Variants in ARMC2 observed in about 807,000 individuals in gnomAD.
ARMC2 encodes the protein armadillo repeat containing 2, also known as armadillo repeat-containing protein 2.
A neutral mutation model predicts 90.3 loss-of-function variants in ARMC2; 67 were observed. The ratio of observed to expected loss-of-function variants is 0.74; its 90% confidence interval spans 0.61 to 0.91. The LOEUF is 0.91. Ranked by LOEUF, ARMC2 falls within the 40% of genes least tolerant of loss-of-function variation. ARMC2 has a pLI of 0.00. For synonymous variants in ARMC2, 393 were observed against 393.0 expected (o/e 1.00, Z 0.00); for missense variants, 920 against 1,030.9 (o/e 0.89, Z 1.47).
At chr6:108,927,149 C>A (rs1386608431) in intron 10 of ARMC2, among the ~76,000 whole-genome samples, 1 of 151,988 alleles carries the variant, frequency 6.6e-6, no homozygotes, top group Non-Finnish European at 1.5e-5. Flanking sequence ...TACACACAAC[C>A]CCCCGAGAGG....
At position 108,928,176 on chromosome 6, in the gene ARMC2, C is replaced by T; in HGVS notation, c.1439C>T (p.Ala480Val). The change falls in exon 11 of 18, where the codon GCA (alanine) becomes GTA (valine). Residue 480 changes from alanine to valine, a missense_variant. Transcript: ENST00000392644. ...NISALPQLCTAMEQYKGDKDV... is the reference protein window; with the variant it reads ...NISALPQLCTVMEQYKGDKDV... ...AGTGCCCTTCCCCAGCTCTGCACGG[C>T]AATGGAACAGTACAAGGGTGACAAG... 1.2e-6 allele frequency: 2 copies of T among 1,612,726 alleles called. No individual in the cohort carries two copies. Among genetic ancestry groups the T allele is most frequent in the Non-Finnish European group, 1.7e-6 (2 of 1,179,418 alleles).
chr6:109,023,386 ATCT>A, the ARMC2 span, among the ~76,000 whole-genome samples: 6 of 152,206 alleles, frequency 3.9e-5, no homozygotes. Context: ...AATAAGGAAA[ATCT>A]TCTACCACTT....
chr6:109,016,487 A>T, the ARMC2 span, among the ~76,000 whole-genome samples: 1 of 152,016 alleles, frequency 6.6e-6, no homozygotes, highest in South Asian at 2.1e-4. Context: ...GAGGGTATTA[A>T]GTTGTAGATT....
chr6:108,963,571 C>T (rs1377181469), intron 15 of ARMC2, among the ~76,000 whole-genome samples: 1 of 151,956 alleles, frequency 6.6e-6, no homozygotes, highest in African/African-American at 2.4e-5. Flanking sequence ...TCTTCCCCAA[C>T]CCTTTGCTCA....
chr6:108,949,810 C>T (rs1043781939), intron 12 of ARMC2, among the ~76,000 whole-genome samples: 3 of 152,160 alleles, frequency 2.0e-5, no homozygotes, highest in African/African-American at 4.8e-5. Flanking sequence ...ATAAATATCC[C>T]ATAGCTTCTT....
intron 17 of ARMC2, among the ~76,000 whole-genome samples, chr6:108,965,822 A>AT (rs1226892659): frequency 3.5e-4 from 51 of 145,846 alleles, no homozygotes; most frequent in African/African-American, 8.6e-4. Flanking sequence ...TTAAAAAAAA[A>AT]TTTTTTTTTT....
At chr6:108,980,524 A>C in the ARMC2 span, among the ~76,000 whole-genome samples, 1 of 133,270 alleles carries the variant, frequency 7.5e-6, no homozygotes, top group South Asian at 2.6e-4. Flanking sequence ...TCCTGAGGAG[A>C]ACGCCTGCTG....
At chr6:109,042,032 A>G in the ARMC2 span, among the ~76,000 whole-genome samples, 1 of 152,154 alleles carries the variant, frequency 6.6e-6, no homozygotes, top group South Asian at 2.1e-4. Flanking sequence ...CACTAGAAGT[A>G]AATAATAGAA....
chr6:108,975,830 C>T (rs1242457618), downstream of ARMC2, among the ~76,000 whole-genome samples: 1 of 152,106 alleles, frequency 6.6e-6, no homozygotes, highest in Admixed American at 6.6e-5. Context: ...ATATCCTTTG[C>T]CCACTTTTTG....
intron 12 of ARMC2, among the ~76,000 whole-genome samples, chr6:108,942,981 T>A (rs1315833020): frequency 6.6e-6 from 1 of 152,190 alleles, no homozygotes; most frequent in African/African-American, 2.4e-5. Flanking sequence ...TGAACTGATC[T>A]TATCAGCGGA....
Position 108,912,414 on chromosome 6 carries a change from G to A in ARMC2, c.1206G>A (p.Lys402=). 1 of 1,613,918 alleles carries A rather than the reference G, an allele frequency of 6.2e-7. No individual in the cohort carries two copies. Among genetic ancestry groups the A allele is most frequent in the Non-Finnish European group, 8.5e-7 (1 of 1,179,832 alleles). The change falls in exon 10 of 18, where the codon AAG becomes AAA. Residue 402 remains lysine, a synonymous_variant. Coordinates refer to ENST00000392644, the MANE Select transcript of ARMC2 (RefSeq NM_032131.6). ...EAFLYCMGSI[K]FISGNLGFLN... The stretch of plus-strand genomic sequence containing the variant: ...TTTTATACTGTATGGGGTCTATAAA[G>A]TTCATTTCTGGAAATCTGGGATTTC...
At chr6:108,962,608 A>C (rs1778077052) in intron 15 of ARMC2, among the ~76,000 whole-genome samples, 1 of 152,240 alleles carries the variant, frequency 6.6e-6, no homozygotes. Context: ...TAAAACATAC[A>C]AAACTACCTT....
the ARMC2 span, among the ~76,000 whole-genome samples, chr6:109,026,462 C>A: frequency 6.6e-6 from 1 of 152,124 alleles, no homozygotes; most frequent in Non-Finnish European, 1.5e-5. Context: ...TTTCCCTTGG[C>A]TTGGAGTGGA....
downstream of ARMC2, among the ~76,000 whole-genome samples, chr6:108,977,144 A>G (rs1398060327): frequency 6.6e-6 from 1 of 152,226 alleles, no homozygotes; most frequent in East Asian, 1.9e-4. Context: ...TGGGTTTGTC[A>G]TAAATAGCTC....
In ARMC2 at chr6:108,892,344, C is replaced by CAT. The variant is rs139299873; in HGVS notation, c.672-2123_672-2122insAT. Among the ~76,000 whole-genome samples the CAT allele has an allele frequency of 4.2e-3, 636 of 152,144 alleles. 3 individuals carry two copies. Among genetic ancestry groups the CAT allele is most frequent in the African/African-American group, 0.014 (597 of 41,498 alleles). On this transcript the variant is annotated intron_variant, in intron 5 of 17. Transcript: ENST00000392644. ...TCGATTGGCTAGTGACATTTGCTAT[C>CAT]GTATTTTTATTATGTACAAATAAAG...
At chr6:108,872,614 C>T (rs1164154717) in intron 4 of ARMC2, among the ~76,000 whole-genome samples, 2 of 152,224 alleles carry the variant, frequency 1.3e-5, no homozygotes, top group Admixed American at 6.5e-5. Flanking sequence ...GAGCTCCCAA[C>T]ACGACATGGC....
In ARMC2 at chr6:108,963,015, T is replaced by C. The variant is rs573846522; in HGVS notation, c.2152+888T>C. ...CTCTATCTCTAAAAAATAAAAAAAA[T>C]TTAAAAATTAAAAAAGGACAGCATT... is the stretch of plus-strand genomic sequence containing the variant. On this transcript the variant is annotated intron_variant, in intron 15 of 17. Transcript: ENST00000392644. 3.3e-5 allele frequency among the ~76,000 whole-genome samples: 5 copies of C among 152,006 alleles called. No homozygotes were observed. In the South Asian group the frequency reaches 8.3e-4, roughly 25 times the overall value.
chr6:108,862,948 A>G (rs1416209330), intron 3 of ARMC2, among the ~76,000 whole-genome samples: 2 of 152,044 alleles, frequency 1.3e-5, no homozygotes, highest in Admixed American at 1.3e-4. Context: ...CTTTCTCCCC[A>G]TCCTATCTGG....
At chr6:108,954,897 A>C (rs1051475875) in intron 13 of ARMC2, among the ~76,000 whole-genome samples, 1 of 152,206 alleles carries the variant, frequency 6.6e-6, no homozygotes, top group Non-Finnish European at 1.5e-5. Context: ...ATTTTCTCAC[A>C]GTTCTGGAAA....
Sources: gnomAD v4.1 joint callset for allele counts (sites outside exome capture counted in the v4.1 genomes callset) on GRCh38, gnomAD v4.1.1 for gene constraint, MANE v1.5 for transcripts, NCBI Gene and HGNC (gene_info 2026-07-23, HGNC 2026-07-21) for gene names.